The following LGSN variants were observed in gnomAD, a reference collection of about 807,000 sequenced individuals.
LGSN encodes lengsin.
Under a neutral mutation model 19.5 loss-of-function variants are expected in LGSN, and 21 were observed. The ratio of observed to expected loss-of-function variants is 1.07; its 90% CI spans 0.76 to 1.55. The LOEUF (loss-of-function observed/expected upper bound fraction) is 1.55, where lower values mean the gene tolerates loss of function less well. Ranked by LOEUF, LGSN falls within the 40% of genes most tolerant of loss-of-function variation. LGSN has a pLI of 0.00. For missense variants in LGSN, 673 were observed against 608.5 expected, an observed-to-expected ratio of 1.11 and a Z score of -1.12; for synonymous variants, 257 against 215.6, an observed-to-expected ratio of 1.19 and a Z score of -1.68.
At chr6:63,439,758 C>G in the LGSN span, among the ~76,000 whole-genome samples, 1 of 152,126 alleles carries the variant, frequency 6.6e-6, no homozygotes, top group Admixed American at 6.5e-5. Context: ...GGTAGAAAAG[C>G]TCTCCCTTTA....
chr6:63,362,680 G>A, the LGSN span, among the ~76,000 whole-genome samples: 2 of 152,198 alleles, frequency 1.3e-5, no homozygotes, highest in African/African-American at 4.8e-5. Context: ...GGCTTGAGTA[G>A]GTAAACAAAG....
chr6:63,310,144 T>C (rs552363482), intron 1 of LGSN, among the ~76,000 whole-genome samples: 15 of 152,200 alleles, frequency 9.9e-5, no homozygotes, highest in Non-Finnish European at 1.9e-4. Flanking sequence ...ACTGTTTCCT[T>C]CTTTCCTAGG....
the LGSN span, among the ~76,000 whole-genome samples, chr6:63,389,433 T>C: frequency 2.0e-5 from 3 of 152,350 alleles, no homozygotes; most frequent in Admixed American, 1.3e-4. Context: ...ATGTCAGTCT[T>C]ATTTTGGCAA....
the LGSN span, among the ~76,000 whole-genome samples, chr6:63,465,410 G>A: frequency 6.6e-6 from 1 of 152,134 alleles, no homozygotes; most frequent in African/African-American, 2.4e-5. Context: ...TCGAACTCCT[G>A]ACCTCAAGTG....
chr6:63,388,539 G>A, the LGSN span, among the ~76,000 whole-genome samples: 1 of 152,098 alleles, frequency 6.6e-6, no homozygotes. Context: ...TGCACAGAGG[G>A]AAAATGATGT....
chr6:63,341,832 A>C, the LGSN span, among the ~76,000 whole-genome samples: 4 of 152,262 alleles, frequency 2.6e-5, no homozygotes, highest in Admixed American at 2.6e-4. Flanking sequence ...ACTGATTATC[A>C]CAACGAAACA....
chr6:63,517,628 A>T, the LGSN span, among the ~76,000 whole-genome samples: 9 of 152,164 alleles, frequency 5.9e-5, no homozygotes, highest in Admixed American at 1.3e-4. Flanking sequence ...CTATCAACAC[A>T]CACACACATG....
chr6:63,523,347 A>T, the LGSN span, among the ~76,000 whole-genome samples: 17 of 152,184 alleles, frequency 1.1e-4, no homozygotes, highest in South Asian at 3.3e-3. Flanking sequence ...AGCCTGGCCA[A>T]CATGGCAAAA....
At chr6:63,387,452 T>C in the LGSN span, among the ~76,000 whole-genome samples, 50 of 152,298 alleles carry the variant, frequency 3.3e-4, 1 homozygote, top group East Asian at 8.5e-3. Flanking sequence ...ATATAAAGTA[T>C]ATAGAAGCAT....
At chr6:63,426,149 T>C in the LGSN span, among the ~76,000 whole-genome samples, 82 of 152,334 alleles carry the variant, frequency 5.4e-4, no homozygotes, top group African/African-American at 1.8e-3. Flanking sequence ...TTGACTGTGA[T>C]AGCACACATT....
the LGSN span, among the ~76,000 whole-genome samples, chr6:63,562,934 C>G: frequency 1.6e-4 from 25 of 152,220 alleles, no homozygotes; most frequent in Non-Finnish European, 3.2e-4. Flanking sequence ...TAGCATAAAA[C>G]AGGCTCAAAA....
the LGSN span, among the ~76,000 whole-genome samples, chr6:63,450,979 T>C: frequency 6.6e-6 from 1 of 152,184 alleles, no homozygotes; most frequent in African/African-American, 2.4e-5. Context: ...CCGGCTGTAA[T>C]GGTTTTCAAG....
chr6:63,428,197 C>A, the LGSN span, among the ~76,000 whole-genome samples: 37 of 152,086 alleles, frequency 2.4e-4, no homozygotes, highest in Non-Finnish European at 5.0e-4. Context: ...AGCAGGTTCC[C>A]CAACCTACCT....
chr6:63,378,816 C>T, the LGSN span, among the ~76,000 whole-genome samples: 3 of 152,124 alleles, frequency 2.0e-5, no homozygotes, highest in Admixed American at 6.5e-5. Context: ...TCACAGTCCC[C>T]GCCTCTGACA....
At chr6:63,506,917 A>C in the LGSN span, among the ~76,000 whole-genome samples, 8 of 152,270 alleles carry the variant, frequency 5.3e-5, no homozygotes, top group African/African-American at 1.9e-4. Flanking sequence ...AGTTCACGTG[A>C]CACTATCTTA....
At chr6:63,377,205 T>A in the LGSN span, among the ~76,000 whole-genome samples, 6 of 152,246 alleles carry the variant, frequency 3.9e-5, no homozygotes, top group South Asian at 6.2e-4. Flanking sequence ...TGAAACCAGC[T>A]GGCTTTTTTA....
At chr6:63,405,464 C>T in the LGSN span, among the ~76,000 whole-genome samples, 1 of 152,116 alleles carries the variant, frequency 6.6e-6, no homozygotes, top group Non-Finnish European at 1.5e-5. Context: ...CTCTTCAGCA[C>T]CTGATGTTTC....
the LGSN span, among the ~76,000 whole-genome samples, chr6:63,453,811 G>A: frequency 4.0e-5 from 6 of 151,806 alleles, no homozygotes; most frequent in Non-Finnish European, 7.4e-5. Flanking sequence ...CCGCCACCAC[G>A]CCCGGCTAAT....
the LGSN span, among the ~76,000 whole-genome samples, chr6:63,510,486 T>G: frequency 6.6e-6 from 1 of 150,720 alleles, no homozygotes; most frequent in African/African-American, 2.4e-5. Flanking sequence ...TTTTAAACAC[T>G]TCAAGTCATA....
Sources: gnomAD v4.1 joint callset for allele counts (sites outside exome capture counted in the v4.1 genomes callset) on GRCh38, gnomAD v4.1.1 for gene constraint, MANE v1.5 for transcripts, NCBI Gene and HGNC (gene_info 2026-07-23, HGNC 2026-07-21) for gene names.